The following STON2 variants were observed in gnomAD, a reference collection of about 807,000 sequenced individuals.
STON2 encodes stonin 2.
In STON2, 29 loss-of-function variants were observed where a neutral mutation model predicts 65.7. The observed-to-expected ratio is 0.44, with a 90% confidence interval of 0.33 to 0.60. The LOEUF is 0.60. Among genes scored for constraint, STON2 ranks in the 20% least tolerant of loss-of-function variants. The pLI, the probability that STON2 is intolerant of heterozygous loss-of-function variation, is 0.03. For synonymous variants in STON2, 404 were observed against 414.2 expected (o/e 0.98, Z 0.30); for missense variants, 1,054 against 1,118.1 (o/e 0.94, Z 0.82).
intron 5 of STON2, among the ~76,000 whole-genome samples, chr14:81,287,361 C>T (rs748994827): frequency 6.6e-6 from 1 of 152,156 alleles, no homozygotes; most frequent in Non-Finnish European, 1.5e-5. Context: ...GAGGATGCTT[C>T]GATGCTGGTA....
At chr14:81,328,866 CT>C (rs1897097459) in intron 4 of STON2, among the ~76,000 whole-genome samples, 1 of 152,170 alleles carries the variant, frequency 6.6e-6, no homozygotes, top group Non-Finnish European at 1.5e-5. Flanking sequence ...GCCAGCTTCC[CT>C]TGTGCTTCCC....
intron 6 of STON2, among the ~76,000 whole-genome samples, chr14:81,271,250 C>T (rs954970010): frequency 6.6e-6 from 1 of 152,150 alleles, no homozygotes; most frequent in African/African-American, 2.4e-5. Context: ...AATAAAATAC[C>T]AATGACAGCT....
chr14:81,409,458 T>TAC (rs981888563), intron 2 of STON2, among the ~76,000 whole-genome samples: 8 of 150,958 alleles, frequency 5.3e-5, no homozygotes, highest in East Asian at 3.9e-4. Flanking sequence ...TACTTATTTA[T>TAC]ACACACACAC....
chr14:81,272,523 A>G (rs1894641820), intron 6 of STON2, among the ~76,000 whole-genome samples: 1 of 152,232 alleles, frequency 6.6e-6, no homozygotes, highest in Non-Finnish European at 1.5e-5. Context: ...TCAGAGAGTA[A>G]GGACATACAC....
intron 2 of STON2, among the ~76,000 whole-genome samples, chr14:81,414,979 A>G (rs1185846537): frequency 6.6e-6 from 1 of 152,078 alleles, no homozygotes; most frequent in Non-Finnish European, 1.5e-5. Flanking sequence ...CAGAATGTGG[A>G]AAGGGGCTAA....
intron 5 of STON2, among the ~76,000 whole-genome samples, chr14:81,315,613 C>T (rs1896589425): frequency 6.6e-6 from 1 of 152,264 alleles, no homozygotes; most frequent in African/African-American, 2.4e-5. Flanking sequence ...CCCTCCTGCT[C>T]CCGCAGAGAA....
intron 4 of STON2, among the ~76,000 whole-genome samples, chr14:81,350,239 T>G (rs1897973132): frequency 6.6e-6 from 1 of 152,116 alleles, no homozygotes. Context: ...GATAAAAGTT[T>G]GAGGTCATGG....
chr14:81,346,079 C>T (rs1897799576), intron 4 of STON2, among the ~76,000 whole-genome samples: 1 of 152,174 alleles, frequency 6.6e-6, no homozygotes, highest in Admixed American at 6.5e-5. Flanking sequence ...TCCAGTAGCT[C>T]GGTCTCCTGA....
chr14:81,419,750 G>T (rs1010027037), intron 2 of STON2, among the ~76,000 whole-genome samples: 6 of 152,166 alleles, frequency 3.9e-5, no homozygotes, highest in Admixed American at 2.6e-4. Flanking sequence ...CATATCTTAG[G>T]CCAGATTCCT....
intron 1 of STON2, chr14:81,427,467 C>A (rs1902035032): frequency 1.3e-5 from 2 of 152,202 alleles, no homozygotes; most frequent in South Asian, 2.1e-4. Flanking sequence ...ACTGCCTCCC[C>A]AAGGCCTGCT....
intron 5 of STON2, among the ~76,000 whole-genome samples, chr14:81,308,781 C>CATATATAT (rs57821672): frequency 3.4e-3 from 31 of 9,040 alleles, no homozygotes; most frequent in Admixed American, 7.1e-3. Context: ...TGGTTTTACC[C>CATATATAT]ATATATATAT....
intron 3 of STON2, among the ~76,000 whole-genome samples, chr14:81,394,041 A>G (rs369641705): frequency 3.9e-5 from 6 of 152,160 alleles, no homozygotes; most frequent in African/African-American, 1.4e-4. Flanking sequence ...AAATACAAAA[A>G]TTAGCCAGGC....
At chr14:81,395,775 G>A (rs1464838191) in intron 3 of STON2, 119 bp downstream of exon 3, 10 of 1,012,436 alleles carry the variant, frequency 9.9e-6, no homozygotes, top group Non-Finnish European at 1.2e-5. Flanking sequence ...TCCCCTATGC[G>A]ACCAGTGCTT....
Position 81,266,078 on chromosome 14 carries a change from C to T in STON2, c.*2336G>A, listed in dbSNP as rs1894347466. Reference sequence around the variant, plus strand: ...GTATTTCAAAGAGCATGAAAAACCACTTATGAAGAAAAAGACAAATGAAGT... The same window carrying T: ...GTATTTCAAAGAGCATGAAAAACCATTTATGAAGAAAAAGACAAATGAAGT... On this transcript the variant is annotated 3_prime_UTR_variant, in exon 8 of 8. Transcript: ENST00000614646. 1.0e-6 allele frequency: 1 copy of T among 985,154 alleles called. No individual in the cohort carries two copies. Among genetic ancestry groups the T allele is most frequent in the Admixed American group, 6.2e-5 (1 of 16,260 alleles). 61.0% of individuals were successfully genotyped at this position (985,154 alleles called of 1,614,324 possible). A position where few individuals can be genotyped will look rare whatever the true frequency, so the allele number is the denominator to read the frequency against.
chr14:81,390,018 G>T (rs2140421016), intron 3 of STON2, among the ~76,000 whole-genome samples: 1 of 152,166 alleles, frequency 6.6e-6, no homozygotes, highest in South Asian at 2.1e-4. Flanking sequence ...TTTGTGACCA[G>T]CCTGGCCAAC....
chr14:81,407,749 A>G (rs541648716), intron 2 of STON2, among the ~76,000 whole-genome samples: 1 of 152,352 alleles, frequency 6.6e-6, no homozygotes, highest in African/African-American at 2.4e-5. Flanking sequence ...AAGAATGGGA[A>G]AAACAGACTA....
At position 81,263,264 on chromosome 14, in the gene STON2, C is replaced by T. The variant is rs1211925331; in HGVS notation, c.*5150G>A. 12 of 682,242 alleles carry T rather than the reference C, an allele frequency of 1.8e-5. No homozygotes were observed. Among genetic ancestry groups the T allele is most frequent in the Middle Eastern group, 7.4e-4 (1 of 1,348 alleles). 42.3% of individuals were successfully genotyped at this position (682,242 alleles called of 1,614,324 possible). A position where few individuals can be genotyped will look rare whatever the true frequency, so the allele number is the denominator to read the frequency against. ...AAAACATTATGCTATTTTGGCCAGG[C>T]GCGGCGGCTCATGCCTGTTATCCTA... On this transcript the variant is annotated 3_prime_UTR_variant, in exon 8 of 8. Coordinates refer to ENST00000614646, the MANE Select transcript of STON2 (RefSeq NM_001394390.1).
At chr14:81,333,300 T>A in intron 4 of STON2, 1 of 670,928 alleles carries the variant, frequency 1.5e-6, no homozygotes, top group Middle Eastern at 4.3e-4. Context: ...GACCATTTGT[T>A]TCCTCTGAAG....
At chr14:81,295,338 AAAG>A (rs1231191170) in intron 5 of STON2, among the ~76,000 whole-genome samples, 3 of 152,194 alleles carry the variant, frequency 2.0e-5, no homozygotes, top group Non-Finnish European at 4.4e-5. Flanking sequence ...AAAGAAAAGA[AAAG>A]AAAAGAAATA....
Sources: allele counts gnomAD v4.1 joint callset (sites outside exome capture counted in the v4.1 genomes callset), GRCh38; gene constraint gnomAD v4.1.1; transcripts MANE v1.5; gene names NCBI Gene and HGNC (gene_info 2026-07-23, HGNC 2026-07-21).